Variants in ENPP2 observed in about 807,000 individuals in gnomAD.
ENPP2 encodes autotaxin.
ENPP2 carries 51 observed loss-of-function variants against 120.2 expected under a neutral mutation model. The ratio of observed to expected loss-of-function variants is 0.42; its 90% confidence interval spans 0.34 to 0.54. The LOEUF (loss-of-function observed/expected upper bound fraction) is 0.54, where lower values mean the gene tolerates loss of function less well. ENPP2 is among the 20% of genes least tolerant of loss of function. The pLI, the probability that ENPP2 is intolerant of heterozygous loss-of-function variation, is 0.04. For synonymous variants in ENPP2, 365 were observed against 366.4 expected (o/e 1.00, Z 0.04); for missense variants, 920 against 1,066.5 (o/e 0.86, Z 1.91).
At chr8:119,647,195 C>G (rs1451662940) in intron 1 of ENPP2, among the ~76,000 whole-genome samples, 1 of 152,030 alleles carries the variant, frequency 6.6e-6, no homozygotes, top group Non-Finnish European at 1.5e-5. Flanking sequence ...CGAGGTTTCA[C>G]CATCTTGGCC....
intron 19 of ENPP2, among the ~76,000 whole-genome samples, chr8:119,574,192 C>A (rs1465673435): frequency 2.0e-5 from 3 of 152,032 alleles, no homozygotes; most frequent in South Asian, 2.1e-4. Context: ...TAGCCTGACT[C>A]TCCTAGTCTT....
At chr8:119,664,655 G>T (rs748694723) in intron 1 of ENPP2, among the ~76,000 whole-genome samples, 18 of 152,148 alleles carry the variant, frequency 1.2e-4, no homozygotes, top group Non-Finnish European at 2.4e-4. Context: ...ACAATGAAAT[G>T]TATCAGCTAG....
At chr8:119,588,092 C>T (rs534908555) in intron 13 of ENPP2, among the ~76,000 whole-genome samples, 240 of 152,294 alleles carry the variant, frequency 1.6e-3, no homozygotes, top group African/African-American at 5.4e-3. Flanking sequence ...AGTCTATTTT[C>T]AGAATCTTAG....
At chr8:119,619,879 T>G (rs911515897) in intron 4 of ENPP2, among the ~76,000 whole-genome samples, 1 of 152,142 alleles carries the variant, frequency 6.6e-6, no homozygotes. Flanking sequence ...ATGTCGAGAA[T>G]AGAGAACAGA....
At chr8:119,557,938 G>A (rs905186984) in intron 24 of ENPP2, among the ~76,000 whole-genome samples, 3 of 152,202 alleles carry the variant, frequency 2.0e-5, no homozygotes, top group Non-Finnish European at 4.4e-5. Flanking sequence ...GACATGTGGT[G>A]TCAGAGGGCA....
chr8:119,604,043 G>A (rs1347132784), intron 9 of ENPP2, among the ~76,000 whole-genome samples: 2 of 105,762 alleles, frequency 1.9e-5, no homozygotes, highest in Non-Finnish European at 4.0e-5. Flanking sequence ...GGTTGTTGTT[G>A]TTGAGATGGA....
chr8:119,594,077 T>A (rs1244144019), intron 11 of ENPP2, among the ~76,000 whole-genome samples: 1 of 152,160 alleles, frequency 6.6e-6, no homozygotes, highest in African/African-American at 2.4e-5. Context: ...CCTCATCCAA[T>A]CCCTTTAAAG....
chr8:119,639,302 G>A (rs1021646925), upstream of ENPP2, among the ~76,000 whole-genome samples: 2 of 151,952 alleles, frequency 1.3e-5, no homozygotes, highest in East Asian at 3.9e-4. Context: ...ACCTAATAAC[G>A]TTCCTGTCTT....
Position 119,584,055 on chromosome 8 carries a change from T to C in ENPP2, c.1368-6A>G. The stretch of plus-strand genomic sequence containing the variant: ...TATAAACATCCAAAGGTTTCCTAAA[T>C]TGAAACAATTTCATGATTAGTTAGA... On this transcript the variant is annotated splice_polypyrimidine_tract_variant and splice_region_variant and intron_variant, in intron 15 of 24. Coordinates refer to ENST00000075322, the MANE Select transcript of ENPP2 (RefSeq NM_001040092.3). 6.4e-7 allele frequency: 1 copy of C among 1,567,150 alleles called. No homozygotes were observed. Among genetic ancestry groups the C allele is most frequent in the Non-Finnish European group, 8.8e-7 (1 of 1,138,080 alleles).
At chr8:119,587,631 T>A (rs930851824) in intron 13 of ENPP2, among the ~76,000 whole-genome samples, 37 of 152,240 alleles carry the variant, frequency 2.4e-4, no homozygotes, top group African/African-American at 8.4e-4. Context: ...CACACGTGCA[T>A]GCACCTCCTT....
At chr8:119,662,984 GCA>G (rs1817965179) in intron 1 of ENPP2, among the ~76,000 whole-genome samples, 1 of 151,944 alleles carries the variant, frequency 6.6e-6, no homozygotes, top group Non-Finnish European at 1.5e-5. Context: ...AGGTGTGATG[GCA>G]CACACCTGTA....
intron 2 of ENPP2, among the ~76,000 whole-genome samples, chr8:119,630,296 C>CA (rs1382152749): frequency 7.9e-5 from 12 of 152,066 alleles, no homozygotes; most frequent in Non-Finnish European, 5.9e-5. Flanking sequence ...TTAGTAGAGA[C>CA]AGGGTTTCAC....
At chr8:119,643,973 C>G (rs1817355961) in intron 1 of ENPP2, among the ~76,000 whole-genome samples, 1 of 151,956 alleles carries the variant, frequency 6.6e-6, no homozygotes, top group Admixed American at 6.6e-5. Flanking sequence ...TATGGCACAT[C>G]CACGAGACAA....
At chr8:119,661,364 C>T in intron 1 of ENPP2, among the ~76,000 whole-genome samples, 1 of 152,148 alleles carries the variant, frequency 6.6e-6, no homozygotes, top group Non-Finnish European at 1.5e-5. Context: ...CCTGAATAGA[C>T]ATTTCTCAAA....
chr8:119,593,656 T>C, intron 12 of ENPP2, 96 bp downstream of exon 12: 1 of 777,428 alleles, frequency 1.3e-6, no homozygotes, highest in South Asian at 1.6e-5. Context: ...AGGTTAAGAA[T>C]GGAGTCTTGG....
chr8:119,617,643 G>T, intron 5 of ENPP2, 80 bp from the exon 6 acceptor site: 2 of 997,924 alleles, frequency 2.0e-6, no homozygotes, highest in Non-Finnish European at 3.1e-6. Flanking sequence ...AATAATGGGA[G>T]CAATAATTTC....
chr8:119,668,313 A>G lies in ENPP2; in HGVS notation c.21+4939T>C, dbSNP rs560857719. On this transcript the variant is annotated intron_variant, in intron 1 of 25. Transcript: ENST00000427067. ...TACAGTTGCTAATAAATTAATGTGT[A>G]GCACCCAGAACTAGATACAATTGTT... 5.9e-5 allele frequency among the ~76,000 whole-genome samples: 9 copies of G among 152,312 alleles called. 1 individual carries two copies. In the South Asian group the frequency reaches 1.5e-3, roughly 25 times the overall value.
At chr8:119,562,313 C>G (rs1480735856) in intron 24 of ENPP2, among the ~76,000 whole-genome samples, 79 of 144,152 alleles carry the variant, frequency 5.5e-4, no homozygotes, top group Middle Eastern at 4.4e-3. Flanking sequence ...CATGGTGGTG[C>G]CCGCCTACAA....
chr8:119,673,236 G>C, intron 1 of ENPP2: 1 of 1,532,372 alleles, frequency 6.5e-7, no homozygotes, highest in Non-Finnish European at 8.7e-7. Flanking sequence ...CGGGTAGAGA[G>C]AGGCGCATAC....
Sources: gnomAD v4.1 joint callset for allele counts (sites outside exome capture counted in the v4.1 genomes callset) on GRCh38, gnomAD v4.1.1 for gene constraint, MANE v1.5 for transcripts, NCBI Gene and HGNC (gene_info 2026-07-23, HGNC 2026-07-21) for gene names.